The following LRRC37A2 variants were observed in gnomAD, a reference collection of about 807,000 sequenced individuals.
LRRC37A2 encodes the protein leucine rich repeat containing 37 member A2.
LRRC37A2 carries 9 observed loss-of-function variants against 68.8 expected under a neutral mutation model. That is an observed-to-expected ratio of 0.13 (90% CI 0.08 to 0.23). The LOEUF is 0.23. Among genes scored for constraint, LRRC37A2 ranks in the 10% least tolerant of loss-of-function variants. The pLI is 1.00. For synonymous variants in LRRC37A2, 63 were observed against 367.6 expected (o/e 0.17, Z 9.48); for missense variants, 168 against 950.4 (o/e 0.18, Z 10.82).
At chr17:46,900,819 C>G in the LRRC37A2 span, among the ~76,000 whole-genome samples, 1 of 152,146 alleles carries the variant, frequency 6.6e-6, no homozygotes, top group Non-Finnish European at 1.5e-5. Flanking sequence ...ATACCATTAA[C>G]TTATTCATTA....
At chr17:47,017,264 C>G in the LRRC37A2 span, 31 of 1,611,238 alleles carry the variant, frequency 1.9e-5, no homozygotes, top group Non-Finnish European at 2.3e-5. Context: ...CATGGCCCCT[C>G]CTTATGTGGC....
chr17:46,818,720 TC>T, the LRRC37A2 span: 1 of 979,390 alleles, frequency 1.0e-6, no homozygotes, highest in Non-Finnish European at 1.6e-6. Context: ...GAAGCGCACC[TC>T]CACCCGCAGC....
At chr17:46,496,351 C>A in the LRRC37A2 span, among the ~76,000 whole-genome samples, 1 of 148,176 alleles carries the variant, frequency 6.7e-6, no homozygotes, top group Non-Finnish European at 1.5e-5. Context: ...TGCCTGTAAT[C>A]CCAGCACTTT....
chr17:47,022,168 C>CTCTTTTTTT, the LRRC37A2 span, among the ~76,000 whole-genome samples: 1 of 19,714 alleles, frequency 5.1e-5, no homozygotes, highest in Non-Finnish European at 1.4e-4. Flanking sequence ...TTTTTGTTCT[C>CTCTTTTTTT]TTTTTTTTTT....
the LRRC37A2 span, among the ~76,000 whole-genome samples, chr17:46,473,285 A>C: frequency 4.9e-4 from 1 of 2,054 alleles, no homozygotes; most frequent in South Asian, 0.011. Flanking sequence ...TATGTTGCCC[A>C]GGCTGGTCTT....
the LRRC37A2 span, among the ~76,000 whole-genome samples, chr17:46,820,598 G>T: frequency 6.6e-6 from 1 of 152,138 alleles, no homozygotes; most frequent in Non-Finnish European, 1.5e-5. Flanking sequence ...GCTCCTCATG[G>T]CTGGGCTGAT....
At chr17:46,874,785 C>T in the LRRC37A2 span, among the ~76,000 whole-genome samples, 5 of 152,152 alleles carry the variant, frequency 3.3e-5, no homozygotes, top group African/African-American at 9.7e-5. Context: ...ACCATATTGG[C>T]CAGACTGGTC....
At chr17:46,854,289 A>C in the LRRC37A2 span, among the ~76,000 whole-genome samples, 1 of 152,180 alleles carries the variant, frequency 6.6e-6, no homozygotes, top group Non-Finnish European at 1.5e-5. Flanking sequence ...AGTCATCTAC[A>C]CTGTAGTGGG....
chr17:46,917,565 C>G, the LRRC37A2 span, among the ~76,000 whole-genome samples: 7 of 152,232 alleles, frequency 4.6e-5, no homozygotes, highest in African/African-American at 1.7e-4. Flanking sequence ...TGGATTGAGT[C>G]TCCTGCCTAC....
At chr17:46,779,479 A>G in the LRRC37A2 span, among the ~76,000 whole-genome samples, 1 of 152,094 alleles carries the variant, frequency 6.6e-6, no homozygotes, top group Non-Finnish European at 1.5e-5. Flanking sequence ...AAGCCGGCTC[A>G]TCCTCCACTC....
the LRRC37A2 span, among the ~76,000 whole-genome samples, chr17:46,878,935 C>T: frequency 6.6e-6 from 1 of 152,180 alleles, no homozygotes; most frequent in South Asian, 2.1e-4. Flanking sequence ...TGTCTCTCTC[C>T]CTCTCTTCTT....
At chr17:46,537,077 AT>A (rs766255014) in intron 6 of LRRC37A2, among the ~76,000 whole-genome samples, 22 of 34,808 alleles carry the variant, frequency 6.3e-4, no homozygotes, top group African/African-American at 3.1e-3. Context: ...ATTGTGGTCA[AT>A]TTTTTTTTTT....
the LRRC37A2 span, among the ~76,000 whole-genome samples, chr17:46,922,281 G>A: frequency 0.37 from 56,864 of 151,700 alleles, 10,721 homozygotes; most frequent in South Asian, 0.48. Context: ...GGAACTGAAC[G>A]ATGAGAACAC....
chr17:46,923,885 ATACT>A, the LRRC37A2 span: 4 of 397,970 alleles, frequency 1.0e-5, no homozygotes, highest in East Asian at 3.6e-5. Flanking sequence ...TAATGGGGCC[ATACT>A]TACCCTATTT....
the LRRC37A2 span, among the ~76,000 whole-genome samples, chr17:46,728,341 C>A: frequency 6.6e-6 from 1 of 152,214 alleles, no homozygotes; most frequent in South Asian, 2.1e-4. Context: ...TACTGAATGG[C>A]CATGGTTTGC....
the LRRC37A2 span, among the ~76,000 whole-genome samples, chr17:47,010,018 C>A: frequency 6.6e-6 from 1 of 152,232 alleles, no homozygotes; most frequent in African/African-American, 2.4e-5. Context: ...CCGATGCTGA[C>A]TGTAGCTGGC....
the LRRC37A2 span, among the ~76,000 whole-genome samples, chr17:46,607,979 G>A: frequency 7.6e-6 from 1 of 131,810 alleles, no homozygotes; most frequent in Non-Finnish European, 1.5e-5. Context: ...AGACACCATT[G>A]AGGAGAAAGA....
chr17:46,381,806 T>TTGTAG, the LRRC37A2 span, among the ~76,000 whole-genome samples: 1 of 108,704 alleles, frequency 9.2e-6, no homozygotes, highest in African/African-American at 3.1e-5. Flanking sequence ...AAATATTCCT[T>TTGTAG]TTGTAGATGT....
At chr17:46,500,595 G>T in the LRRC37A2 span, among the ~76,000 whole-genome samples, 1 of 150,808 alleles carries the variant, frequency 6.6e-6, no homozygotes, top group Admixed American at 6.6e-5. Flanking sequence ...AGAAACTGCA[G>T]ATCCTGATTT....
Sources: gnomAD v4.1 joint callset for allele counts (sites outside exome capture counted in the v4.1 genomes callset) on GRCh38, gnomAD v4.1.1 for gene constraint, MANE v1.5 for transcripts, NCBI Gene and HGNC (gene_info 2026-07-23, HGNC 2026-07-21) for gene names.